RTN1: variants seen among roughly 807,000 people sequenced by gnomAD.
RTN1 encodes the protein reticulon 1, also known as reticulon-1.
Under a neutral mutation model 65.5 loss-of-function variants are expected in RTN1, and 25 were observed. The ratio of observed to expected loss-of-function variants is 0.38; its 90% CI spans 0.28 to 0.53. The LOEUF is 0.53. Among genes scored for constraint, RTN1 ranks in the 20% least tolerant of loss-of-function variants. RTN1 has a pLI of 0.79. For missense variants in RTN1, 983 were observed against 1,025.4 expected (o/e 0.96, Z 0.57); for synonymous variants, 471 against 447.6 (o/e 1.05, Z -0.66).
intron 1 of RTN1, among the ~76,000 whole-genome samples, chr14:59,755,542 T>TTGGG (rs35685442): frequency 0.055 from 8,311 of 152,176 alleles, 297 homozygotes; most frequent in Non-Finnish European, 0.082. Flanking sequence ...GAGGTTAGGC[T>TTGGG]GGGAGGCTTT....
chr14:59,628,023 G>A (rs983044057), intron 3 of RTN1, among the ~76,000 whole-genome samples: 1 of 151,478 alleles, frequency 6.6e-6, no homozygotes, highest in Non-Finnish European at 1.5e-5. Context: ...TGGTCTATGG[G>A]TTTGGCTCAC....
At chr14:59,693,207 T>C (rs1434575124) in intron 3 of RTN1, among the ~76,000 whole-genome samples, 1 of 152,228 alleles carries the variant, frequency 6.6e-6, no homozygotes, top group Non-Finnish European at 1.5e-5. Flanking sequence ...TATTTTATTA[T>C]AGCCACCCAA....
At chr14:59,853,321 C>CTA (rs1887543324) in intron 1 of RTN1, among the ~76,000 whole-genome samples, 1 of 152,212 alleles carries the variant, frequency 6.6e-6, no homozygotes, top group Admixed American at 6.5e-5. Context: ...GAAGTCTAGG[C>CTA]TATTTTCATA....
intron 2 of RTN1, among the ~76,000 whole-genome samples, chr14:59,729,799 T>G (rs1226168882): frequency 6.6e-6 from 1 of 152,184 alleles, no homozygotes; most frequent in Non-Finnish European, 1.5e-5. Context: ...CTCTGCCCTC[T>G]CCTGTGCTCT....
chr14:59,621,925 T>C (rs1300687705), intron 3 of RTN1, among the ~76,000 whole-genome samples: 1 of 152,254 alleles, frequency 6.6e-6, no homozygotes. Context: ...TTGTGCATAA[T>C]TATCTGCATT....
chr14:59,707,714 C>T (rs1326684035), intron 3 of RTN1, among the ~76,000 whole-genome samples: 2 of 138,920 alleles, frequency 1.4e-5, no homozygotes, highest in Admixed American at 6.9e-5. Context: ...CTTTTACACA[C>T]ACACACACAC....
At position 59,846,646 on chromosome 14, in the gene RTN1, A is replaced by G. The variant is rs547179656; in HGVS notation, c.241+23744T>C. Among the ~76,000 whole-genome samples the G allele has an allele frequency of 5.9e-5, 9 of 152,196 alleles. No homozygotes were observed. Among genetic ancestry groups the G allele is most frequent in the Non-Finnish European group, 1.2e-4 (8 of 68,026 alleles). The stretch of plus-strand genomic sequence containing the variant: ...GAGTTTATTTAAAGTTTCACATTTT[A>G]AAACTATGTGTGCTTTTACTCCTTG... On this transcript the variant is annotated intron_variant, in intron 1 of 8. Transcript: ENST00000267484. This position sits in a 1 kb window ranked among gnomAD's most constrained non-coding sequence, Gnocchi z 4.8.
At chr14:59,694,124 G>A (rs1156587284) in intron 3 of RTN1, among the ~76,000 whole-genome samples, 1 of 152,116 alleles carries the variant, frequency 6.6e-6, no homozygotes, top group Non-Finnish European at 1.5e-5. Flanking sequence ...GGTCTTCATC[G>A]CCTTTTCCTT....
chr14:59,760,288 C>T (rs1322295395), intron 1 of RTN1, among the ~76,000 whole-genome samples: 1 of 152,038 alleles, frequency 6.6e-6, no homozygotes, highest in Non-Finnish European at 1.5e-5. Context: ...AGAATACTAA[C>T]TCTCATGTAA....
At chr14:59,792,878 C>T (rs999837236) in intron 1 of RTN1, among the ~76,000 whole-genome samples, 8 of 151,984 alleles carry the variant, frequency 5.3e-5, no homozygotes, top group African/African-American at 1.2e-4. Context: ...TTTGTGTTTG[C>T]GGCCCTCAGA....
chr14:59,858,019 C>T (rs1286683391), intron 1 of RTN1, among the ~76,000 whole-genome samples: 1 of 152,182 alleles, frequency 6.6e-6, no homozygotes, highest in Admixed American at 6.5e-5. Flanking sequence ...TCATGAAATT[C>T]GTGTCACACA....
chr14:59,857,560 C>T (rs1361846599), intron 1 of RTN1, among the ~76,000 whole-genome samples: 1 of 152,150 alleles, frequency 6.6e-6, no homozygotes, highest in Non-Finnish European at 1.5e-5. Flanking sequence ...TCACAAAGTC[C>T]TGTTGACTGT....
intron 3 of RTN1, among the ~76,000 whole-genome samples, chr14:59,693,625 C>T (rs928877079): frequency 1.3e-5 from 2 of 152,156 alleles, no homozygotes; most frequent in South Asian, 2.1e-4. Context: ...TTTCCATTCC[C>T]AAGTTACTTC....
chr14:59,723,210 C>A (rs1048244365), intron 3 of RTN1, among the ~76,000 whole-genome samples: 3 of 152,084 alleles, frequency 2.0e-5, no homozygotes, highest in African/African-American at 7.2e-5. Context: ...TATTAGATTA[C>A]CAGAGAGGAC....
At chr14:59,864,594 C>A (rs1330093170) in intron 1 of RTN1, among the ~76,000 whole-genome samples, 1 of 151,808 alleles carries the variant, frequency 6.6e-6, no homozygotes, top group Non-Finnish European at 1.5e-5. Flanking sequence ...TTTTATCTGT[C>A]CTTTTCTGTA....
chr14:59,857,485 T>C (rs1479003667), intron 1 of RTN1, among the ~76,000 whole-genome samples: 1 of 152,140 alleles, frequency 6.6e-6, no homozygotes. Context: ...CTCCCAGCCA[T>C]AGGGCACAAA....
chr14:59,749,647 ATT>A (rs1308970740), intron 1 of RTN1, among the ~76,000 whole-genome samples: 2 of 53,146 alleles, frequency 3.8e-5, no homozygotes, highest in Non-Finnish European at 6.0e-5. Flanking sequence ...ATCTATATAT[ATT>A]TATATAGATA....
intron 3 of RTN1, among the ~76,000 whole-genome samples, chr14:59,704,985 C>T (rs1884259943): frequency 6.6e-6 from 1 of 152,176 alleles, no homozygotes; most frequent in Non-Finnish European, 1.5e-5. Context: ...ATTTTCCTAG[C>T]TCTGAAAAGT....
At chr14:59,788,494 T>C (rs570528273) in intron 1 of RTN1, among the ~76,000 whole-genome samples, 2 of 152,342 alleles carry the variant, frequency 1.3e-5, no homozygotes, top group South Asian at 4.1e-4. Context: ...TTTTTCATGT[T>C]TGTTTGCCAC....
Sources: allele counts gnomAD v4.1 joint callset (sites outside exome capture counted in the v4.1 genomes callset), GRCh38; gene constraint gnomAD v4.1.1; non-coding constraint Gnocchi (gnomAD v3.1); transcripts MANE v1.5; gene names NCBI Gene and HGNC (gene_info 2026-07-23, HGNC 2026-07-21).